Variants in ALMS1 observed in about 807,000 individuals in gnomAD.
ALMS1 encodes ALMS1 centrosome and basal body associated protein.
A neutral mutation model predicts 352.2 loss-of-function variants in ALMS1; 271 were observed. That is an observed-to-expected ratio of 0.77 (90% CI 0.70 to 0.85). The LOEUF (loss-of-function observed/expected upper bound fraction) is 0.85. Ranked by LOEUF, ALMS1 falls within the 40% of genes least tolerant of loss-of-function variation. ALMS1 has a pLI of 0.00. For missense variants in ALMS1, 5,445 were observed against 4,870.7 expected (o/e 1.12, Z -3.51); for synonymous variants, 1,865 against 1,761.2 (o/e 1.06, Z -1.48).
chr2:73,433,973 A>T (rs896385398), intron 7 of ALMS1, among the ~76,000 whole-genome samples: 1 of 152,118 alleles, frequency 6.6e-6, no homozygotes, highest in Admixed American at 6.5e-5. Context: ...TCCTGATTTT[A>T]GTAACTTAAG....
chr2:73,541,869 A>G (rs957891159), intron 12 of ALMS1, among the ~76,000 whole-genome samples: 1 of 152,234 alleles, frequency 6.6e-6, no homozygotes, highest in African/African-American at 2.4e-5. Flanking sequence ...AATTGAGGCA[A>G]TAATCGATAG....
At chr2:73,609,520 G>A in intron 22 of ALMS1, 48 bp from the exon 23 acceptor site, 1 of 1,583,420 alleles carries the variant, frequency 6.3e-7, no homozygotes, top group Non-Finnish European at 8.7e-7. Flanking sequence ...ATCTGCCTCT[G>A]ATGGCAGTAA....
intron 9 of ALMS1, chr2:73,469,736 G>A (rs76701489): frequency 6.6e-5 from 10 of 151,842 alleles, no homozygotes; most frequent in African/African-American, 2.4e-4. Context: ...TGTCAAATCA[G>A]TGTCTTTGTG....
At chr2:73,558,407 G>A (rs575876317) in intron 14 of ALMS1, among the ~76,000 whole-genome samples, 3 of 152,282 alleles carry the variant, frequency 2.0e-5, no homozygotes, top group African/African-American at 7.2e-5. Context: ...TCCAAAAACA[G>A]TTTTGATCAT....
rs1187149210 is a variant in ALMS1, at chr2:73,419,297, C to G, written c.625C>G (p.Leu209Val). Reference protein sequence around the residue: ...ENQVKEPNRDLFCSPLLVIQD... With the variant: ...ENQVKEPNRDVFCSPLLVIQD... ...TCAAGTAAAGGAACCCAACAGAGAT[C>G]TCTTCTGTTCTCCACTGCTAGGTAA... is the stretch of plus-strand genomic sequence containing the variant. Residue 209 changes from leucine to valine, a missense_variant, in exon 3 of 23, where the codon CTC (leucine) becomes GTC (valine). Physicochemically the swap from Leu to Val is conservative, Grantham distance 32 (BLOSUM62 1). Coordinates refer to ENST00000613296, the MANE Select transcript of ALMS1 (RefSeq NM_001378454.1). 6.2e-7 allele frequency: 1 copy of G among 1,613,840 alleles called. No homozygotes were observed. Among genetic ancestry groups the G allele is most frequent in the Non-Finnish European group, 8.5e-7 (1 of 1,179,788 alleles).
Position 73,451,753 on chromosome 2 carries a change from T to C in ALMS1, c.5226T>C (p.Pro1742=), listed in dbSNP as rs1671945509. The change falls in exon 8 of 23, where the codon CCT becomes CCC. Residue 1742 remains proline (P), a synonymous_variant. Coordinates refer to ENST00000613296, the MANE Select transcript of ALMS1 (RefSeq NM_001378454.1). ...AAGCTCTGAAAGTTTCAGCTGTTCC[T>C]CAACCAGCTGACCAGAAGACTGGGT... ...TQEALKVSAV[P]QPADQKTGLS... is the part of the protein sequence containing the mutation. The C allele has an allele frequency of 6.2e-7, 1 of 1,614,096 alleles. No homozygotes were observed. The highest frequency in any genetic ancestry group is 1.6e-4 in the Middle Eastern group (1 of 6,062).
At chr2:73,571,194 T>C (rs1674919650) in intron 15 of ALMS1, among the ~76,000 whole-genome samples, 2 of 152,124 alleles carry the variant, frequency 1.3e-5, no homozygotes, top group African/African-American at 4.8e-5. Context: ...ATTCCTAGAG[T>C]ATTTCATGAA....
At chr2:73,388,206 TCTTG>T in intron 1 of ALMS1, among the ~76,000 whole-genome samples, 1 of 152,354 alleles carries the variant, frequency 6.6e-6, no homozygotes, top group Non-Finnish European at 1.5e-5. Context: ...TCCTGTGACT[TCTTG>T]CTTGAATAAC....
chr2:73,574,946 C>T (rs760808213), intron 16 of ALMS1, among the ~76,000 whole-genome samples: 7 of 152,112 alleles, frequency 4.6e-5, no homozygotes, highest in African/African-American at 1.4e-4. Flanking sequence ...CACCAGCCCC[C>T]GGCAACCAGT....
chr2:73,419,467 GT>G, intron 3 of ALMS1, 149 bp downstream of exon 3: 1 of 748,104 alleles, frequency 1.3e-6, no homozygotes, highest in South Asian at 1.7e-5. Flanking sequence ...TTGTTTGTTT[GT>G]TTGTTTTTTA....
At chr2:73,487,556 C>T (rs1248092534) in intron 9 of ALMS1, among the ~76,000 whole-genome samples, 3 of 152,158 alleles carry the variant, frequency 2.0e-5, no homozygotes, top group African/African-American at 4.8e-5. Context: ...CGAAAGGCCA[C>T]AGCTTGTCTC....
intron 14 of ALMS1, among the ~76,000 whole-genome samples, chr2:73,558,704 T>C (rs1314139517): frequency 6.6e-6 from 1 of 152,210 alleles, no homozygotes; most frequent in African/African-American, 2.4e-5. Context: ...AAATCAGTTG[T>C]CTAGAGTTCT....
chr2:73,521,295 G>A (rs1017141672), intron 11 of ALMS1, among the ~76,000 whole-genome samples: 1 of 152,034 alleles, frequency 6.6e-6, no homozygotes. Context: ...AGGCTTATGG[G>A]TCAATTGGAC....
chr2:73,530,970 A>G (rs992096076), intron 11 of ALMS1, among the ~76,000 whole-genome samples: 1 of 152,104 alleles, frequency 6.6e-6, no homozygotes, highest in African/African-American at 2.4e-5. Flanking sequence ...GGCGGGGCCC[A>G]CAAAACCATT....
intron 7 of ALMS1, among the ~76,000 whole-genome samples, chr2:73,439,752 G>T (rs1314284172): frequency 1.3e-5 from 2 of 152,040 alleles, no homozygotes; most frequent in Non-Finnish European, 2.9e-5. Flanking sequence ...TGTTGGCCAG[G>T]ATGGTCTGCA....
chr2:73,588,569 G>C (rs1369330644), intron 16 of ALMS1, among the ~76,000 whole-genome samples: 1 of 152,008 alleles, frequency 6.6e-6, no homozygotes, highest in Non-Finnish European at 1.5e-5. Context: ...GTGTCTGGTT[G>C]TCTTCTGGTG....
chr2:73,398,553 A>G (rs1670811970), intron 1 of ALMS1, among the ~76,000 whole-genome samples: 1 of 152,176 alleles, frequency 6.6e-6, no homozygotes, highest in African/African-American at 2.4e-5. Context: ...ACATCTTGAC[A>G]ATATTGAGTA....
intron 15 of ALMS1, among the ~76,000 whole-genome samples, chr2:73,564,537 C>A (rs1362006832): frequency 6.6e-6 from 1 of 150,436 alleles, no homozygotes; most frequent in Non-Finnish European, 1.5e-5. Context: ...TAAGTGCAAT[C>A]AACCATCACC....
At chr2:73,582,120 T>C (rs1675196897) in intron 16 of ALMS1, among the ~76,000 whole-genome samples, 1 of 152,230 alleles carries the variant, frequency 6.6e-6, no homozygotes, top group Admixed American at 6.5e-5. Flanking sequence ...TTTGCACTAT[T>C]GCTCTTTGCC....
Sources: allele counts gnomAD v4.1 joint callset (sites outside exome capture counted in the v4.1 genomes callset), GRCh38; gene constraint gnomAD v4.1.1; transcripts MANE v1.5; gene names NCBI Gene and HGNC (gene_info 2026-07-23, HGNC 2026-07-21).